The following TFB2M variants were observed in gnomAD, a reference collection of about 807,000 sequenced individuals.
TFB2M encodes the protein dimethyladenosine transferase 2, mitochondrial.
Under a neutral mutation model 41.3 loss-of-function variants are expected in TFB2M, and 44 were observed. The ratio of observed to expected loss-of-function variants is 1.07; its 90% CI spans 0.84 to 1.37. The LOEUF is 1.37. Ranked by LOEUF, TFB2M falls within the 40% of genes most tolerant of loss-of-function variation. The probability of loss-of-function intolerance (pLI) is 0.00; values close to 1 mark genes in which losing one functional copy is unlikely to be tolerated. For missense variants in TFB2M, 496 were observed against 490.2 expected, an observed-to-expected ratio of 1.01 and a Z score of -0.11; for synonymous variants, 188 against 176.8, an observed-to-expected ratio of 1.06 and a Z score of -0.50.
intron 1 of TFB2M, among the ~76,000 whole-genome samples, chr1:246,565,151 TAA>T (rs1659582263): frequency 1.3e-5 from 2 of 152,238 alleles, no homozygotes; most frequent in South Asian, 4.1e-4. Context: ...AATGGTGCTT[TAA>T]AAAACTATCA....
At chr1:246,561,903 T>C (rs549650906) in intron 2 of TFB2M, among the ~76,000 whole-genome samples, 107 of 152,292 alleles carry the variant, frequency 7.0e-4, no homozygotes, top group African/African-American at 1.5e-3. Flanking sequence ...CTTTTTTTTT[T>C]CCTCAAATCA....
intron 6 of TFB2M, among the ~76,000 whole-genome samples, chr1:246,545,311 T>C (rs1289820997): frequency 6.6e-6 from 1 of 151,916 alleles, no homozygotes; most frequent in Non-Finnish European, 1.5e-5. Context: ...CGTGGATCAC[T>C]CGAGGTCAGG....
intron 1 of TFB2M, 116 bp from the exon 2 acceptor site, chr1:246,564,550 C>G (rs1659545208): frequency 1.2e-6 from 1 of 845,704 alleles, no homozygotes; most frequent in Non-Finnish European, 1.9e-6. Context: ...CTGACAGCAT[C>G]CGCAAAGTAG....
At chr1:246,555,487 G>A (rs1045099247) in intron 4 of TFB2M, among the ~76,000 whole-genome samples, 2 of 152,174 alleles carry the variant, frequency 1.3e-5, no homozygotes, top group East Asian at 1.9e-4. Context: ...CGGGAAGATC[G>A]CTTGAGCCCA....
intron 1 of TFB2M, 75 bp from the exon 2 acceptor site, chr1:246,564,509 T>C: frequency 3.7e-6 from 5 of 1,344,804 alleles, no homozygotes; most frequent in South Asian, 1.2e-5. Flanking sequence ...TTTCATTAGA[T>C]GTTTCACACG....
At chr1:246,546,983 A>ACACACACACACACACACACACAC (rs764498048) in intron 6 of TFB2M, among the ~76,000 whole-genome samples, 4 of 127,180 alleles carry the variant, frequency 3.1e-5, no homozygotes, top group African/African-American at 1.2e-4. Context: ...ACACACACAC[A>ACACACACACACACACACACACAC]TTTTTTTTTT....
At chr1:246,556,540 A>G (rs772609630) in intron 4 of TFB2M, 33 bp downstream of exon 4, 3 of 1,417,288 alleles carry the variant, frequency 2.1e-6, no homozygotes, top group East Asian at 5.0e-5. Context: ...TTACAGACTC[A>G]GAACAAAAAA....
intron 2 of TFB2M, among the ~76,000 whole-genome samples, chr1:246,560,561 T>C (rs1171682602): frequency 6.6e-6 from 1 of 152,222 alleles, no homozygotes; most frequent in Non-Finnish European, 1.5e-5. Flanking sequence ...ATGAACACTT[T>C]ATGGCCTCAA....
At position 246,564,370 on chromosome 1, in the gene TFB2M, G is replaced by A. The variant is rs34587495; in HGVS notation, c.378C>T (p.Asp126=). 14,676 of 1,614,032 alleles carry A rather than the reference G, an allele frequency of 9.1e-3. 87 individuals carry two copies. The highest frequency in any genetic ancestry group is 0.011 in the Non-Finnish European group (13,086 of 1,179,926). Residue 126 remains aspartate (D), a synonymous_variant, in exon 2 of 8, where the codon GAC becomes GAT. Transcript: ENST00000366514. The part of the protein sequence containing the change: ...AGAKVVALES[D]KTFIPHLESL... ...CCTCCAAATGTGGAATAAAAGTTTTGTCACTTTCGAGCGCAACCACTTTGG... is the reference window on the plus strand; with the variant it reads ...CCTCCAAATGTGGAATAAAAGTTTTATCACTTTCGAGCGCAACCACTTTGG...
chr1:246,556,747 T>G lies in TFB2M; in HGVS notation c.557-26A>C, dbSNP rs372315677. The G allele has an allele frequency of 4.8e-5, 74 of 1,527,166 alleles. No homozygotes were observed. The African/African-American group carries it at 8.2e-4, about 17-fold the overall frequency. The allele number at this position is 1,527,166 out of a possible 1,614,324, so 94.6% of individuals were successfully genotyped here. On this transcript the variant is annotated intron_variant, in intron 3 of 7. Coordinates refer to ENST00000366514, the MANE Select transcript of TFB2M (RefSeq NM_022366.3). The stretch of plus-strand genomic sequence containing the variant: ...CTGTTAGGAATATAAGCAAAAAGAT[T>G]TGAATAAAGTTCTTAGCATTTTGTC...
intron 2 of TFB2M, among the ~76,000 whole-genome samples, chr1:246,563,845 A>G (rs1260571715): frequency 6.6e-6 from 1 of 152,266 alleles, no homozygotes; most frequent in Admixed American, 6.5e-5. Context: ...CATTATGTAT[A>G]TGCAAATATT....
At chr1:246,541,774 T>G (rs535085136) in intron 7 of TFB2M, among the ~76,000 whole-genome samples, 1 of 152,362 alleles carries the variant, frequency 6.6e-6, no homozygotes, top group East Asian at 1.9e-4. Context: ...TTTTGGTTCA[T>G]GTCAAAGTTC....
chr1:246,542,515 C>T (rs1430687509), intron 7 of TFB2M, among the ~76,000 whole-genome samples: 1 of 151,934 alleles, frequency 6.6e-6, no homozygotes, highest in African/African-American at 2.4e-5. Flanking sequence ...CTACAAAAAT[C>T]GTAAAAAGTT....
chr1:246,544,559 A>G lies in TFB2M; in HGVS notation c.981T>C (p.Cys327=), dbSNP rs766996016. 3.7e-6 allele frequency: 6 copies of G among 1,609,842 alleles called. No homozygotes were observed. The Admixed American group carries it at 1.0e-4, about 27-fold the overall frequency. Reference sequence around the variant, plus strand: ...TTACAGTGGCGCTGCGCCTCCCAAAACAGTGCTTTAACAAGTGAAAAAATA... The same window carrying G: ...TTACAGTGGCGCTGCGCCTCCCAAAGCAGTGCTTTAACAAGTGAAAAAATA... ...YNIFFHLLKH[C]FGRRSATVID... Residue 327 remains cysteine (C), a synonymous_variant, in exon 7 of 8, where the codon TGT becomes TGC. Coordinates refer to ENST00000366514, the MANE Select transcript of TFB2M (RefSeq NM_022366.3).
chr1:246,565,744 AT>A (rs1659636725), intron 1 of TFB2M, 81 bp downstream of exon 1: 1 of 1,435,946 alleles, frequency 7.0e-7, no homozygotes, highest in Non-Finnish European at 9.4e-7. Flanking sequence ...ACCCCCCAGT[AT>A]CTAAAATAGC....
intron 2 of TFB2M, among the ~76,000 whole-genome samples, chr1:246,559,731 A>G (rs1659410152): frequency 6.6e-6 from 1 of 152,160 alleles, no homozygotes; most frequent in Non-Finnish European, 1.5e-5. Flanking sequence ...AGACCTGAAT[A>G]AGGTGCTCAG....
Position 246,565,891 on chromosome 1 carries a change from G to A in TFB2M, c.248C>T (p.Thr83Ile), listed in dbSNP as rs1222116882. 3 of 1,613,102 alleles carry A rather than the reference G, an allele frequency of 1.9e-6. No homozygotes were observed. The highest frequency in any genetic ancestry group is 2.5e-6 in the Non-Finnish European group (3 of 1,179,088). ...TTTTCCCAAATAGATTTGCGCCAGGGTCTCAGCCAATCTCCGATCGGTTAC... is the reference window on the plus strand; with the variant it reads ...TTTTCCCAAATAGATTTGCGCCAGGATCTCAGCCAATCTCCGATCGGTTAC... The part of the protein sequence containing the change: ...RYVTDRRLAE[T>I]LAQIYLGKPS... Residue 83 changes from threonine (T) to isoleucine (I), a missense_variant, in exon 1 of 8, where the codon ACC becomes ATC. Transcript: ENST00000366514.
intron 2 of TFB2M, among the ~76,000 whole-genome samples, chr1:246,558,645 TAAAATATA>T (rs1558514053): frequency 6.6e-6 from 1 of 152,190 alleles, no homozygotes; most frequent in African/African-American, 2.4e-5. Flanking sequence ...GAAAAACAAT[TAAAATATA>T]AAAGTGAAAG....
In TFB2M at chr1:246,545,026, C is replaced by T. The variant is rs977394061; in HGVS notation, c.859-345G>A. 2.9e-3 allele frequency among the ~76,000 whole-genome samples: 433 copies of T among 151,140 alleles called. 3 individuals are homozygous for T. The highest frequency in any genetic ancestry group is 4.6e-3 in the Admixed American group (69 of 15,096). ...TTCACCGTGTTAGCCAGGATGGTCT[C>T]GATCTCCTGACCTCGTGATCCGCCC... On this transcript the variant is annotated intron_variant, in intron 6 of 7. Coordinates refer to ENST00000366514, the MANE Select transcript of TFB2M (RefSeq NM_022366.3).
Sources: allele counts gnomAD v4.1 joint callset (sites outside exome capture counted in the v4.1 genomes callset), GRCh38; gene constraint gnomAD v4.1.1; transcripts MANE v1.5; gene names NCBI Gene and HGNC (gene_info 2026-07-23, HGNC 2026-07-21).